Variants in PPIL2 observed in about 807,000 individuals in gnomAD.
The protein encoded by PPIL2 is RING-type E3 ubiquitin-protein ligase PPIL2.
PPIL2 carries 50 observed loss-of-function variants against 75.2 expected under a neutral mutation model. The observed-to-expected ratio is 0.66, with a 90% CI of 0.53 to 0.84. The LOEUF (loss-of-function observed/expected upper bound fraction) is 0.84, where lower values mean the gene tolerates loss of function less well. PPIL2 is among the 40% of genes least tolerant of loss of function. The pLI is 0.00. For missense variants in PPIL2, 590 were observed against 685.0 expected (o/e 0.86, Z 1.55); for synonymous variants, 245 against 258.8 (o/e 0.95, Z 0.51).
chr22:21,694,537 CCG>C (rs2148579173), intron 16 of PPIL2, 54 bp from the exon 17 acceptor site: 1 of 1,593,632 alleles, frequency 6.3e-7, no homozygotes, highest in Non-Finnish European at 8.6e-7. Context: ...TGGGGCTCAG[CCG>C]TGGGGGTGCC....
intron 4 of PPIL2, 65 bp from the exon 5 acceptor site, chr22:21,672,263 CCA>C (rs1333296147): frequency 7.0e-7 from 1 of 1,419,144 alleles, no homozygotes; most frequent in Non-Finnish European, 1.0e-6. Context: ...CCCTGCAAGA[CCA>C]CAGTGTTGTT....
At chr22:21,667,453 G>C (rs1201141990) in intron 1 of PPIL2, among the ~76,000 whole-genome samples, 1 of 150,746 alleles carries the variant, frequency 6.6e-6, no homozygotes, top group Non-Finnish European at 1.5e-5. Context: ...ACCGCGTCTG[G>C]GCAGCCTCAG....
chr22:21,698,174 G>A (rs1032889619), downstream of PPIL2: 4 of 151,428 alleles, frequency 2.6e-5, no homozygotes, highest in Non-Finnish European at 5.9e-5. Flanking sequence ...GCCAGCTCAT[G>A]GTCTGTTCAT....
rs181546275 is a variant in PPIL2 at position 21,696,699 on chromosome 22, T to C, written c.*1209T>C. 2,785 of 1,535,348 alleles carry C rather than the reference T, an allele frequency of 1.8e-3. 3 individuals are homozygous for C. The highest frequency in any genetic ancestry group is 2.3e-3 in the Non-Finnish European group (2,594 of 1,146,364). ...TCACACTAAGCCCTAACTTAGGCCT[T>C]GTTCTTGGTTTTCTCATTTTTGTTG... On this transcript the variant is annotated 3_prime_UTR_variant, in exon 20 of 20. Coordinates refer to ENST00000398831, the MANE Select transcript of PPIL2 (RefSeq NM_014337.4).
chr22:21,675,259 T>C, intron 6 of PPIL2, 144 bp downstream of exon 6: 1 of 767,332 alleles, frequency 1.3e-6, no homozygotes, highest in Non-Finnish European at 2.1e-6. Context: ...GTCACAGGGC[T>C]GGGCACGGTG....
chr22:21,699,887 C>T (rs1404432120), downstream of PPIL2: 2 of 152,520 alleles, frequency 1.3e-5, no homozygotes, highest in Non-Finnish European at 2.9e-5. Flanking sequence ...TGGTACCAGA[C>T]CCTGTGAGGC....
At position 21,693,857 on chromosome 22, in the gene PPIL2, A is replaced by T; in HGVS notation, c.1181A>T (p.His394Leu). 6.5e-7 allele frequency: 1 copy of T among 1,545,712 alleles called. No individual in the cohort carries two copies. Among genetic ancestry groups the T allele is most frequent in the South Asian group, 1.1e-5 (1 of 89,644 alleles). ...FRSCAYLDKK[H>L]TIFGRVVGGF... is the part of the protein sequence containing the mutation. Reference sequence around the variant, plus strand: ...TCCTGTGCCTACCTGGACAAGAAGCATACCATCTTTGGACGGTAAGGGAAG... The same window carrying T: ...TCCTGTGCCTACCTGGACAAGAAGCTTACCATCTTTGGACGGTAAGGGAAG... The change falls in exon 16 of 20, where the codon CAT (histidine) becomes CTT (leucine). Residue 394 changes from histidine (H) to leucine (L), a missense_variant. Coordinates refer to ENST00000398831, the MANE Select transcript of PPIL2 (RefSeq NM_014337.4).
intron 6 of PPIL2, among the ~76,000 whole-genome samples, chr22:21,677,703 G>T (rs1367312743): frequency 6.6e-6 from 1 of 151,920 alleles, no homozygotes; most frequent in Non-Finnish European, 1.5e-5. Context: ...GGGAGCGGGA[G>T]AGGGAGAGGG....
downstream of PPIL2, chr22:21,698,028 T>C (rs1410246856): frequency 6.6e-6 from 1 of 152,288 alleles, no homozygotes; most frequent in Non-Finnish European, 1.5e-5. Flanking sequence ...ACTGTGCCAT[T>C]TATAACCCTG....
At position 21,666,066 on chromosome 22, in the gene PPIL2, T is replaced by A; in HGVS notation, c.-34T>A. 6.2e-7 allele frequency: 1 copy of A among 1,610,244 alleles called. No individual in the cohort carries two copies. Among genetic ancestry groups the A allele is most frequent in the Non-Finnish European group, 8.5e-7 (1 of 1,178,216 alleles). ...TGGTCTGAGTTGTCAGCCGTTGTTTTTTCGTGCTCGCTAGTCGCCGCCGCC... is the reference window on the plus strand; with the variant it reads ...TGGTCTGAGTTGTCAGCCGTTGTTTATTCGTGCTCGCTAGTCGCCGCCGCC... On this transcript the variant is annotated 5_prime_UTR_variant, in exon 1 of 20. Coordinates refer to ENST00000398831, the MANE Select transcript of PPIL2 (RefSeq NM_014337.4).
At chr22:21,666,221 C>G in intron 1 of PPIL2, 90 bp downstream of exon 1, 1 of 1,433,838 alleles carries the variant, frequency 7.0e-7, no homozygotes, top group Non-Finnish European at 9.6e-7. Flanking sequence ...TCCCTCTCAG[C>G]TACTCCCCAG....
intron 1 of PPIL2, among the ~76,000 whole-genome samples, chr22:21,669,598 T>C (rs1408021409): frequency 6.6e-6 from 1 of 152,142 alleles, no homozygotes; most frequent in Non-Finnish European, 1.5e-5. Context: ...CCTCCCGGGA[T>C]CAAGCAATTC....
intron 5 of PPIL2, 130 bp downstream of exon 5, chr22:21,672,511 C>A: frequency 2.3e-6 from 2 of 869,190 alleles, no homozygotes; most frequent in Non-Finnish European, 3.8e-6. Flanking sequence ...TGAGGAGGGA[C>A]AGTCTTCCCC....
Position 21,688,730 on chromosome 22 carries a change from A to G in PPIL2, c.1022-2A>G. 1 of 1,613,832 alleles carries G rather than the reference A, an allele frequency of 6.2e-7. No homozygotes were observed. The highest frequency in any genetic ancestry group is 8.5e-7 in the Non-Finnish European group (1 of 1,179,810). On this transcript the variant is annotated splice_acceptor_variant, in intron 14 of 19. Coordinates refer to ENST00000398831, the MANE Select transcript of PPIL2 (RefSeq NM_014337.4). LOFTEE classifies it high-confidence loss of function. ...CTGCTCCCATGGGCCTTTCTCTTCC[A>G]GGTGGGGAGTCATACTGGGGGAAGC...
intron 2 of PPIL2, chr22:21,670,340 TA>T: frequency 6.6e-7 from 1 of 1,508,774 alleles, no homozygotes; most frequent in Non-Finnish European, 8.9e-7. Context: ...AGCACTGTCA[TA>T]ATTTTAATGG....
At chr22:21,677,906 G>T (rs2066945047) in intron 6 of PPIL2, among the ~76,000 whole-genome samples, 1 of 152,232 alleles carries the variant, frequency 6.6e-6, no homozygotes, top group African/African-American at 2.4e-5. Context: ...ACCCGCTGCA[G>T]GGAGGGAGAG....
Position 21,684,734 on chromosome 22 carries a change from C to G in PPIL2, c.554-19C>G. On this transcript the variant is annotated intron_variant, in intron 9 of 19. Transcript: ENST00000398831. The stretch of plus-strand genomic sequence containing the variant: ...CTACTGGGGGCTCGGCGGCTCAGGG[C>G]CATGCTACTGTTTTGTAGATGAAGA... The G allele has an allele frequency of 6.2e-7, 1 of 1,612,666 alleles. No homozygotes were observed. Among genetic ancestry groups the G allele is most frequent in the Non-Finnish European group, 8.5e-7 (1 of 1,179,312 alleles).
rs769343391 is a variant in PPIL2, at chr22:21,684,777, C to T, written c.578C>T (p.Pro193Leu). 2.4e-5 allele frequency: 39 copies of T among 1,613,932 alleles called. No individual in the cohort carries two copies. Among genetic ancestry groups the T allele is most frequent in the East Asian group, 8.9e-5 (4 of 44,880 alleles). The change falls in exon 10 of 20, where the codon CCG (proline) becomes CTG (leucine). Residue 193 changes from proline to leucine, a missense_variant. Physicochemically the swap from Pro to Leu is moderately conservative, Grantham distance 98. Transcript: ENST00000398831. Reference protein sequence around the residue: ...DPDEEKAKQDPSYYLKNTNAE... With the variant: ...DPDEEKAKQDLSYYLKNTNAE... ...GATGAAGAGAAGGCCAAACAGGACC[C>T]GTCTTATTATCTGAAAAATACAAAT... is the stretch of plus-strand genomic sequence containing the variant.
intron 7 of PPIL2, 95 bp downstream of exon 7, chr22:21,681,485 G>A: frequency 2.7e-6 from 3 of 1,132,038 alleles, no homozygotes; most frequent in Non-Finnish European, 3.9e-6. Flanking sequence ...TACGTGTACG[G>A]CCTGTCCTCG....
Sources: gnomAD v4.1 joint callset for allele counts (sites outside exome capture counted in the v4.1 genomes callset) on GRCh38, gnomAD v4.1.1 for gene constraint, MANE v1.5 for transcripts, NCBI Gene and HGNC (gene_info 2026-07-23, HGNC 2026-07-21) for gene names.